The following CCDC171 variants were observed in gnomAD, a reference collection of about 807,000 sequenced individuals.
CCDC171 encodes coiled-coil domain-containing protein 171.
CCDC171 carries 177 observed loss-of-function variants against 168.2 expected under a neutral mutation model. The observed-to-expected ratio is 1.05, with a 90% CI of 0.93 to 1.19. The LOEUF (loss-of-function observed/expected upper bound fraction) is 1.19. Among genes scored for constraint, CCDC171 ranks in the 50% most tolerant of loss-of-function variants. The pLI, the probability that CCDC171 is intolerant of heterozygous loss-of-function variation, is 0.00. For missense variants in CCDC171, 1,991 were observed against 1,539.0 expected (o/e 1.29, Z -4.91); for synonymous variants, 687 against 540.8 (o/e 1.27, Z -3.75).
At chr9:15,784,451 A>T in intron 20 of CCDC171, 58 bp from the exon 21 acceptor site, 1 of 1,121,754 alleles carries the variant, frequency 8.9e-7, no homozygotes, top group Non-Finnish European at 1.3e-6. Flanking sequence ...TGAAGGTGAA[A>T]TGATACAACA....
At chr9:15,578,618 A>T (rs191963494) in intron 3 of CCDC171, among the ~76,000 whole-genome samples, 4 of 151,180 alleles carry the variant, frequency 2.6e-5, no homozygotes, top group Admixed American at 1.3e-4. Flanking sequence ...TAATTTTATA[A>T]AAAGTTCTTA....
chr9:16,042,204 A>G (rs1344086676), upstream of CCDC171, among the ~76,000 whole-genome samples: 2 of 152,216 alleles, frequency 1.3e-5, no homozygotes, highest in African/African-American at 4.8e-5. Flanking sequence ...CCAGTGGATT[A>G]GAGCGCAGAC....
chr9:15,934,408 AAAG>A (rs1317957191), intron 25 of CCDC171, among the ~76,000 whole-genome samples: 1 of 151,278 alleles, frequency 6.6e-6, no homozygotes, highest in Non-Finnish European at 1.5e-5. Context: ...AAAAAAAAGA[AAAG>A]AAAAGAAAGA....
At chr9:15,790,952 C>G (rs1306979182) in intron 21 of CCDC171, among the ~76,000 whole-genome samples, 1 of 152,130 alleles carries the variant, frequency 6.6e-6, no homozygotes, top group Non-Finnish European at 1.5e-5. Context: ...TTCCATTGGT[C>G]TATATCTCTG....
chr9:15,928,361 A>G (rs1210293999), intron 25 of CCDC171, among the ~76,000 whole-genome samples: 4 of 151,732 alleles, frequency 2.6e-5, no homozygotes, highest in Non-Finnish European at 4.4e-5. Flanking sequence ...ATGAGAAAGC[A>G]TGGCAAGCTC....
chr9:15,920,363 G>A lies in CCDC171; in HGVS notation c.3694G>A (p.Ala1232Thr), dbSNP rs2131990451. 1 of 1,610,090 alleles carries A rather than the reference G, an allele frequency of 6.2e-7. No individual in the cohort carries two copies. Among genetic ancestry groups the A allele is most frequent in the Admixed American group, 1.7e-5 (1 of 59,702 alleles). The part of the protein sequence containing the change: ...KEMTSHRSHI[A>T]ALKSELHTAC... ...AATGACATCTCATCGAAGTCACATT[G>A]CAGCCTTGAAATCAGAACTTCACAC... The change falls in exon 25 of 26, where the codon GCA becomes ACA. Residue 1232 changes from alanine (A) to threonine (T), a missense_variant. By Grantham distance (58) the Ala-to-Thr change is moderately conservative. Transcript: ENST00000380701.
chr9:15,671,163 A>T (rs2049080441), intron 9 of CCDC171, among the ~76,000 whole-genome samples: 2 of 152,108 alleles, frequency 1.3e-5, no homozygotes, highest in African/African-American at 4.8e-5. Context: ...CTCATTTTAA[A>T]CTGTATTAGT....
At chr9:16,082,578 T>G in the CCDC171 span, among the ~76,000 whole-genome samples, 1 of 152,250 alleles carries the variant, frequency 6.6e-6, no homozygotes, top group East Asian at 1.9e-4. Context: ...TAAACTTTTC[T>G]AGTTTTATTT....
the CCDC171 span, among the ~76,000 whole-genome samples, chr9:16,107,810 T>C: frequency 6.6e-6 from 1 of 152,320 alleles, no homozygotes; most frequent in African/African-American, 2.4e-5. Context: ...CAGGAGCCTA[T>C]GTCTTAATCA....
Position 15,941,050 on chromosome 9 carries a change from C to T in CCDC171, c.3753+20628C>T, listed in dbSNP as rs148090163. ...CTCATTCACTTTATTATTATTATTTCTGTCATAGCCTTCCATGCCACTTAA... is the reference window on the plus strand; with the variant it reads ...CTCATTCACTTTATTATTATTATTTTTGTCATAGCCTTCCATGCCACTTAA... On this transcript the variant is annotated intron_variant, in intron 25 of 25. Transcript: ENST00000380701. Among the ~76,000 whole-genome samples the T allele has an allele frequency of 1.7e-3, 256 of 151,986 alleles. 2 individuals are homozygous for T. Among genetic ancestry groups the T allele is most frequent in the African/African-American group, 5.7e-3 (237 of 41,504 alleles).
At position 15,695,267 on chromosome 9, in the gene CCDC171, A is replaced by C; in HGVS notation, c.1248A>C (p.Thr416=). 1 of 1,614,126 alleles carries C rather than the reference A, an allele frequency of 6.2e-7. No homozygotes were observed. Among genetic ancestry groups the C allele is most frequent in the Non-Finnish European group, 8.5e-7 (1 of 1,179,960 alleles). ...AKKHQAFLVE[T]CENNVKELES... is the part of the protein sequence containing the mutation. ...AGCACCAGGCCTTCCTAGTAGAGAC[A>C]TGTGAAAATAACGTGAAAGAATTGG... is the stretch of plus-strand genomic sequence containing the variant. Residue 416 remains threonine (T), a synonymous_variant, in exon 11 of 26, where the codon ACA becomes ACC. Transcript: ENST00000380701.
chr9:15,917,895 A>T (rs3008684), intron 24 of CCDC171, among the ~76,000 whole-genome samples: 110,760 of 151,528 alleles, frequency 0.73, 42,330 homozygotes, highest in East Asian at 0.85. Flanking sequence ...TTAGACAATA[A>T]AAGTATATAT....
intron 7 of CCDC171, among the ~76,000 whole-genome samples, chr9:15,636,120 C>G (rs886229255): frequency 1.3e-5 from 2 of 152,114 alleles, no homozygotes; most frequent in Admixed American, 6.6e-5. Context: ...CCCTTAGACC[C>G]TTCTCTTTTT....
intron 2 of CCDC171, among the ~76,000 whole-genome samples, chr9:15,568,582 T>G (rs570363349): frequency 1.5e-3 from 230 of 152,290 alleles, no homozygotes; most frequent in Non-Finnish European, 2.7e-3. Flanking sequence ...ATTTTTTGAC[T>G]TTTTGATAAT....
At chr9:15,858,897 G>A (rs1275710234) in intron 23 of CCDC171, among the ~76,000 whole-genome samples, 4 of 151,928 alleles carry the variant, frequency 2.6e-5, no homozygotes, top group South Asian at 2.1e-4. Flanking sequence ...GCCAAATCAC[G>A]CTTGCTAGGA....
At chr9:15,579,345 A>G (rs1219461171) in intron 4 of CCDC171, among the ~76,000 whole-genome samples, 3 of 152,178 alleles carry the variant, frequency 2.0e-5, no homozygotes, top group African/African-American at 7.2e-5. Flanking sequence ...TTAAACATAT[A>G]CTCCAGGCTC....
chr9:15,623,605 C>T (rs1305898412), intron 7 of CCDC171, among the ~76,000 whole-genome samples, 192 bp downstream of exon 7: 1 of 151,356 alleles, frequency 6.6e-6, no homozygotes, highest in Non-Finnish European at 1.5e-5. Context: ...TATTTGGCTT[C>T]TTTGAAAATT....
chr9:15,981,093 G>A (rs1576170), intron 3 of CCDC171, among the ~76,000 whole-genome samples: 1 of 151,982 alleles, frequency 6.6e-6, no homozygotes, highest in Non-Finnish European at 1.5e-5. Context: ...CAGGAAAGAC[G>A]TGCCCCCATG....
At chr9:15,671,741 C>G (rs2049128622) in intron 9 of CCDC171, among the ~76,000 whole-genome samples, 1 of 152,146 alleles carries the variant, frequency 6.6e-6, no homozygotes, top group Non-Finnish European at 1.5e-5. Flanking sequence ...GCCACATTTT[C>G]TTAACCCAGT....
Sources: gnomAD v4.1 joint callset for allele counts (sites outside exome capture counted in the v4.1 genomes callset) on GRCh38, gnomAD v4.1.1 for gene constraint, MANE v1.5 for transcripts, NCBI Gene and HGNC (gene_info 2026-07-23, HGNC 2026-07-21) for gene names.